The following GSE1 variants were observed in gnomAD, a reference collection of about 807,000 sequenced individuals.
GSE1 encodes Gse1 coiled-coil protein.
A neutral mutation model predicts 112.6 loss-of-function variants in GSE1; 32 were observed. The ratio of observed to expected loss-of-function variants is 0.28; its 90% CI spans 0.21 to 0.38. The LOEUF is 0.38. GSE1 is among the 10% of genes least tolerant of loss of function. The probability of loss-of-function intolerance (pLI) is 1.00; values close to 1 mark genes in which losing one functional copy is unlikely to be tolerated. For missense variants in GSE1, 2,348 were observed against 1,699.2 expected (o/e 1.38, Z -6.71); for synonymous variants, 1,115 against 735.6 (o/e 1.52, Z -8.35).
intron 2 of GSE1, among the ~76,000 whole-genome samples, chr16:85,639,063 G>A (rs1259127674): frequency 1.3e-5 from 2 of 152,186 alleles, no homozygotes; most frequent in African/African-American, 4.8e-5. Context: ...ATCCTGGGTT[G>A]CACCCCCAGC....
upstream of GSE1, among the ~76,000 whole-genome samples, chr16:85,554,303 G>A (rs373166477): frequency 1.3e-5 from 2 of 152,298 alleles, no homozygotes; most frequent in East Asian, 3.9e-4. Context: ...TTGAGCTGGT[G>A]TGAAAGGGAG....
At chr16:85,650,503 G>C (rs978085416) in intron 3 of GSE1, among the ~76,000 whole-genome samples, 6 of 152,228 alleles carry the variant, frequency 3.9e-5, no homozygotes, top group African/African-American at 1.2e-4. Flanking sequence ...GACCCAGGAC[G>C]CCTCGAGGGG....
In GSE1 at chr16:85,497,216, G is replaced by A. The variant is rs540660897; in HGVS notation, c.2465-136698G>A. 3.3e-5 allele frequency among the ~76,000 whole-genome samples: 5 copies of A among 152,292 alleles called. No homozygotes were observed. The East Asian group carries it at 9.7e-4, about 30-fold the overall frequency. ...GCCTGGCCCTGATCTGGGCCTTTCT[G>A]GTCCCACTGAAGCTGCTGGGTCTCC... is the stretch of plus-strand genomic sequence containing the variant. On this transcript the variant is annotated intron_variant, in intron 2 of 2. Coordinates refer to the GSE1 transcript ENST00000637419.
rs369411233 is a variant in GSE1, at chr16:85,432,989, G to A, written c.2464+75346G>A. On this transcript the variant is annotated intron_variant, in intron 2 of 2. Coordinates refer to the GSE1 transcript ENST00000637419. ...GAGCGGTCACACTGTGGATGGAAGAGCCCCGTTTTTATCTTGTGCTTTTTC... is the reference window on the plus strand; with the variant it reads ...GAGCGGTCACACTGTGGATGGAAGAACCCCGTTTTTATCTTGTGCTTTTTC... Among the ~76,000 whole-genome samples the A allele has an allele frequency of 4.6e-5, 7 of 152,170 alleles. No homozygotes were observed. In the East Asian group the frequency reaches 7.8e-4, roughly 17 times the overall value.
At chr16:85,603,152 G>A (rs2047539100) in intron 1 of GSE1, among the ~76,000 whole-genome samples, 1 of 152,268 alleles carries the variant, frequency 6.6e-6, no homozygotes, top group South Asian at 2.1e-4. Context: ...TCCCCTGCAT[G>A]GGAGAATTGT....
chr16:85,511,144 C>T (rs1221720311), intron 2 of GSE1, among the ~76,000 whole-genome samples: 2 of 152,216 alleles, frequency 1.3e-5, no homozygotes, highest in Non-Finnish European at 1.5e-5. Flanking sequence ...GACCAAGTGC[C>T]TGGCTTTCTG....
At chr16:85,508,088 G>T (rs1231301782) in intron 2 of GSE1, among the ~76,000 whole-genome samples, 1 of 152,132 alleles carries the variant, frequency 6.6e-6, no homozygotes, top group Non-Finnish European at 1.5e-5. Flanking sequence ...AGGCTGGGGT[G>T]GAGTGACTCG....
chr16:85,218,326 A>C (rs1220866824), intron 1 of GSE1, among the ~76,000 whole-genome samples: 1 of 152,162 alleles, frequency 6.6e-6, no homozygotes, highest in Non-Finnish European at 1.5e-5. Context: ...TTACCCTGTG[A>C]CTCGGGATGG....
intron 2 of GSE1, among the ~76,000 whole-genome samples, chr16:85,640,310 C>T (rs1199590889): frequency 6.6e-6 from 1 of 152,252 alleles, no homozygotes; most frequent in Non-Finnish European, 1.5e-5. Flanking sequence ...GAGGCCTCTC[C>T]AAGCAGGTGT....
chr16:85,623,330 C>T (rs958718450), intron 1 of GSE1, among the ~76,000 whole-genome samples: 2 of 151,960 alleles, frequency 1.3e-5, no homozygotes, highest in Non-Finnish European at 2.9e-5. Flanking sequence ...TCCCCCACCT[C>T]GGCCTCCCAA....
chr16:85,586,736 C>T (rs565849836), intron 1 of GSE1, among the ~76,000 whole-genome samples: 43 of 152,314 alleles, frequency 2.8e-4, no homozygotes, highest in South Asian at 2.3e-3. Context: ...TCCACAGCCC[C>T]GGCATGGAGG....
intron 3 of GSE1, among the ~76,000 whole-genome samples, chr16:85,652,170 G>A (rs762319704): frequency 6.8e-4 from 103 of 152,280 alleles, no homozygotes; most frequent in Non-Finnish European, 1.2e-3. Flanking sequence ...TGAGTCCCCC[G>A]CATGCCCGTT....
intron 1 of GSE1, among the ~76,000 whole-genome samples, chr16:85,220,391 C>T (rs991871269): frequency 3.9e-5 from 6 of 152,174 alleles, no homozygotes; most frequent in East Asian, 1.9e-4. Context: ...CGGGCGGCGG[C>T]GCAGATGGAA....
At chr16:85,510,650 G>A (rs927488013) in intron 2 of GSE1, among the ~76,000 whole-genome samples, 1 of 152,258 alleles carries the variant, frequency 6.6e-6, no homozygotes. Context: ...AAGTGTGGGT[G>A]CACGTAGCTT....
chr16:85,523,683 C>T (rs993735747), intron 2 of GSE1, among the ~76,000 whole-genome samples: 4 of 152,254 alleles, frequency 2.6e-5, no homozygotes, highest in Non-Finnish European at 4.4e-5. Context: ...CCCAAACCTT[C>T]CCTGGGTTCC....
intron 1 of GSE1, among the ~76,000 whole-genome samples, chr16:85,280,307 C>T (rs1347000994): frequency 2.0e-5 from 3 of 152,194 alleles, no homozygotes; most frequent in Non-Finnish European, 2.9e-5. Context: ...CTTCTCTGGC[C>T]AAGGCCCCAT....
chr16:85,206,926 C>T (rs2075128236), intron 1 of GSE1, among the ~76,000 whole-genome samples: 1 of 151,898 alleles, frequency 6.6e-6, no homozygotes, highest in Non-Finnish European at 1.5e-5. Flanking sequence ...GGTGGGCCAG[C>T]GCCGGTGGCC....
At chr16:85,665,156 C>G in intron 12 of GSE1, 28 bp downstream of exon 12, 2 of 1,337,824 alleles carry the variant, frequency 1.5e-6, no homozygotes, top group Non-Finnish European at 2.2e-6. Flanking sequence ...CCACCTGCCA[C>G]CACCCAGGAC....
intron 1 of GSE1, among the ~76,000 whole-genome samples, chr16:85,556,967 G>A (rs1441068916): frequency 6.6e-6 from 1 of 152,118 alleles, no homozygotes; most frequent in Non-Finnish European, 1.5e-5. Context: ...TTCCTGCGCG[G>A]TGACAGCCGC....
Sources: allele counts gnomAD v4.1 joint callset (sites outside exome capture counted in the v4.1 genomes callset), GRCh38; gene constraint gnomAD v4.1.1; transcripts MANE v1.5; gene names NCBI Gene and HGNC (gene_info 2026-07-23, HGNC 2026-07-21).